Variants in CTXND1 observed in about 807,000 individuals in gnomAD.
CTXND1 encodes cortexin domain containing 1, also known as cortexin domain-containing 1 protein.
At chr15:80,220,113 T>TCTAC (rs1271832366) in intron 1 of CTXND1, among the ~76,000 whole-genome samples, 1 of 110,858 alleles carries the variant, frequency 9.0e-6, no homozygotes, top group Admixed American at 8.6e-5. Context: ...TATCTATCTA[T>TCTAC]CTATCTATCT....
intron 1 of CTXND1, among the ~76,000 whole-genome samples, chr15:80,233,812 T>C (rs548560427): frequency 1.0e-3 from 158 of 152,350 alleles, no homozygotes; most frequent in African/African-American, 3.5e-3. Context: ...CTGCAGTGGC[T>C]GTGCGCATCT....
At chr15:80,217,521 C>CTTGCTTAT (rs1555444626) in intron 1 of CTXND1, among the ~76,000 whole-genome samples, 2 of 143,682 alleles carry the variant, frequency 1.4e-5, no homozygotes, top group Non-Finnish European at 3.0e-5. Flanking sequence ...CAATAGCTTG[C>CTTGCTTAT]TTATTTATTT....
rs571845400 is a variant in CTXND1 at position 80,219,883 on chromosome 15, T to C, written c.-217-16143A>G. On this transcript the variant is annotated intron_variant, in intron 1 of 2. Coordinates refer to ENST00000560778, the MANE Select transcript of CTXND1 (RefSeq NM_001352888.2). ...GTTTGTCTTTTAGGCTTTATCTTTATTCTAAATATCATTTCTTCGCTGGTC... is the reference window on the plus strand; with the variant it reads ...GTTTGTCTTTTAGGCTTTATCTTTACTCTAAATATCATTTCTTCGCTGGTC... 3.2e-4 allele frequency among the ~76,000 whole-genome samples: 48 copies of C among 152,372 alleles called. 1 individual carries two copies. The South Asian group carries it at 5.2e-3, about 16-fold the overall frequency.
intron 1 of CTXND1, among the ~76,000 whole-genome samples, chr15:80,237,390 G>C (rs2141461907): frequency 6.7e-6 from 1 of 149,724 alleles, no homozygotes; most frequent in South Asian, 2.1e-4. Context: ...TTATACAATA[G>C]CTTCAGGCAG....
chr15:80,208,467 C>CT (rs1281474222), intron 1 of CTXND1, among the ~76,000 whole-genome samples: 2 of 151,962 alleles, frequency 1.3e-5, no homozygotes, highest in East Asian at 1.9e-4. Context: ...GCTTTAATTG[C>CT]TTTTTTTTGT....
At position 80,246,844 on chromosome 15, in the gene CTXND1, A is replaced by G. The variant is rs191954978; in HGVS notation, c.-218+5163T>C. ...TGGGTCCCTGAATCTGCATTTTACA[A>G]TGAGCCTTACAGTTGATTCTTTGGC... On this transcript the variant is annotated intron_variant, in intron 1 of 2. Transcript: ENST00000560778. Among the ~76,000 whole-genome samples, 113 of 152,298 alleles carry G rather than the reference A, an allele frequency of 7.4e-4. 2 individuals carry two copies. The highest frequency in any genetic ancestry group is 1.7e-3 in the South Asian group (8 of 4,822).
intron 1 of CTXND1, among the ~76,000 whole-genome samples, chr15:80,216,073 G>A (rs535110238): frequency 6.6e-6 from 1 of 152,282 alleles, no homozygotes; most frequent in East Asian, 1.9e-4. Flanking sequence ...TGTTAACTGT[G>A]TTGACACGGA....
chr15:80,235,126 G>T (rs1238692280), intron 1 of CTXND1, among the ~76,000 whole-genome samples: 1 of 152,168 alleles, frequency 6.6e-6, no homozygotes, highest in Non-Finnish European at 1.5e-5. Flanking sequence ...AAGGAAAGGG[G>T]CCCTTGCGGT....
At chr15:80,227,782 C>T (rs894881841) in intron 1 of CTXND1, among the ~76,000 whole-genome samples, 3 of 152,170 alleles carry the variant, frequency 2.0e-5, no homozygotes, top group South Asian at 2.1e-4. Context: ...CTTGCCTAGT[C>T]GTTGAAGGCT....
intron 1 of CTXND1, among the ~76,000 whole-genome samples, chr15:80,212,213 C>T (rs1317501050): frequency 6.6e-6 from 1 of 152,226 alleles, no homozygotes. Flanking sequence ...TCCCTTCTAG[C>T]CCTGCTTCCT....
At chr15:80,223,960 G>A (rs1183427918) in intron 1 of CTXND1, among the ~76,000 whole-genome samples, 1 of 152,120 alleles carries the variant, frequency 6.6e-6, no homozygotes, top group Non-Finnish European at 1.5e-5. Flanking sequence ...CTGCCTCAGT[G>A]GATAAAATGA....
At chr15:80,220,351 A>C (rs539342067) in intron 1 of CTXND1, among the ~76,000 whole-genome samples, 320 of 152,304 alleles carry the variant, frequency 2.1e-3, no homozygotes, top group Non-Finnish European at 3.4e-3. Context: ...TTGTAATGCC[A>C]CTTCTAGTTT....
In CTXND1 at chr15:80,199,910, G is replaced by GGGGATGGAAGGCCACAGCTTGGA. The variant is rs1392322303; in HGVS notation, c.*1837_*1859dup. On this transcript the variant is annotated 3_prime_UTR_variant, in exon 3 of 3. Transcript: ENST00000560778. ...CTTCACAGCTGCAGGTCTCTTGGAT[G>GGGGATGGAAGGCCACAGCTTGGA]GGGATGGAAGGCCACAGCTTGGAGG... 1 of 152,318 alleles carries GGGGATGGAAGGCCACAGCTTGGA rather than the reference G, an allele frequency of 6.6e-6. No homozygotes were observed. Among genetic ancestry groups the GGGGATGGAAGGCCACAGCTTGGA allele is most frequent in the African/African-American group, 2.4e-5 (1 of 41,454 alleles). 9.4% of individuals were successfully genotyped at this position (152,318 alleles called of 1,614,324 possible). A position where few individuals can be genotyped will look rare whatever the true frequency, so the allele number is the denominator to read the frequency against.
intron 1 of CTXND1, among the ~76,000 whole-genome samples, chr15:80,207,874 T>C (rs942291091): frequency 6.6e-6 from 1 of 152,220 alleles, no homozygotes; most frequent in Non-Finnish European, 1.5e-5. Context: ...ACTTGAGCTG[T>C]TCCTTTCTTG....
intron 1 of CTXND1, among the ~76,000 whole-genome samples, chr15:80,250,858 A>G (rs1192286868): frequency 6.6e-6 from 1 of 152,190 alleles, no homozygotes; most frequent in African/African-American, 2.4e-5. Flanking sequence ...CACAGATCAG[A>G]TTATTACAAT....
chr15:80,250,461 A>T (rs1893680505), intron 1 of CTXND1, among the ~76,000 whole-genome samples: 1 of 152,184 alleles, frequency 6.6e-6, no homozygotes, highest in African/African-American at 2.4e-5. Context: ...TTCCACATGT[A>T]TTTGGGTTAG....
chr15:80,244,802 C>G (rs1595911158), intron 1 of CTXND1, among the ~76,000 whole-genome samples: 1 of 152,128 alleles, frequency 6.6e-6, no homozygotes, highest in African/African-American at 2.4e-5. Context: ...CAAGTTCAGC[C>G]CCCTAACACC....
chr15:80,236,602 G>A (rs1445897001), intron 1 of CTXND1, among the ~76,000 whole-genome samples: 3 of 152,102 alleles, frequency 2.0e-5, no homozygotes, highest in African/African-American at 7.2e-5. Context: ...GGGCAACATG[G>A]TGGAACGCCA....
rs1893704385 is a variant in CTXND1, at chr15:80,252,108, G to A, written c.-319C>T. 6.6e-6 allele frequency: 1 copy of A among 151,632 alleles called. No individual in the cohort carries two copies. Among genetic ancestry groups the A allele is most frequent in the Admixed American group, 6.6e-5 (1 of 15,202 alleles). 9.4% of individuals were successfully genotyped at this position (151,632 alleles called of 1,614,324 possible). On this transcript the variant is annotated 5_prime_UTR_variant, in exon 1 of 3. Transcript: ENST00000560778. ...GCTACGGCGTTTCCCGGTGACGGGG[G>A]CGCGGGCTCGCGGGGCGCGGGGGGC...
Sources: gnomAD v4.1 joint callset for allele counts (sites outside exome capture counted in the v4.1 genomes callset) on GRCh38, gnomAD v4.1.1 for gene constraint, MANE v1.5 for transcripts, NCBI Gene and HGNC (gene_info 2026-07-23, HGNC 2026-07-21) for gene names.